Variants in CHRM3 observed in about 807,000 individuals in gnomAD.
CHRM3 encodes cholinergic receptor muscarinic 3.
CHRM3 carries 11 observed loss-of-function variants against 41.8 expected under a neutral mutation model. The ratio of observed to expected loss-of-function variants is 0.26; its 90% confidence interval spans 0.17 to 0.44. CHRM3 has a LOEUF of 0.44. CHRM3 is among the 20% of genes least tolerant of loss of function. The pLI is 1.00. For missense variants in CHRM3, 571 were observed against 745.4 expected (o/e 0.77, Z 2.72); for synonymous variants, 297 against 301.4 (o/e 0.99, Z 0.15).
chr1:239,406,329 A>G (rs912923286), intron 1 of CHRM3, among the ~76,000 whole-genome samples: 22 of 152,306 alleles, frequency 1.4e-4, no homozygotes, highest in African/African-American at 5.3e-4. Flanking sequence ...TGGCTCCAGG[A>G]AGTATGCAGT....
chr1:239,754,738 G>A (rs1572187118), intron 5 of CHRM3, among the ~76,000 whole-genome samples: 1 of 152,214 alleles, frequency 6.6e-6, no homozygotes, highest in East Asian at 1.9e-4. Flanking sequence ...GTGGGGACTA[G>A]TGCTGTGTTT....
intron 6 of CHRM3, among the ~76,000 whole-genome samples, chr1:239,882,743 A>T (rs1677748526): frequency 6.6e-6 from 1 of 152,238 alleles, no homozygotes; most frequent in African/African-American, 2.4e-5. Flanking sequence ...TTAGAATATC[A>T]TATGTGTGTG....
At chr1:239,543,425 C>A (rs73116737) in intron 2 of CHRM3, among the ~76,000 whole-genome samples, 166 of 152,252 alleles carry the variant, frequency 1.1e-3, no homozygotes, top group African/African-American at 3.9e-3. Flanking sequence ...CCAATCTGCC[C>A]TAAAGCACCC....
intron 6 of CHRM3, among the ~76,000 whole-genome samples, chr1:239,844,375 T>A (rs1674091403): frequency 6.6e-6 from 1 of 152,198 alleles, no homozygotes; most frequent in South Asian, 2.1e-4. Context: ...GCTTATTTGT[T>A]ACAGAAGATG....
At chr1:239,837,091 G>GA (rs999471439) in intron 6 of CHRM3, among the ~76,000 whole-genome samples, 15 of 152,162 alleles carry the variant, frequency 9.9e-5, no homozygotes, top group Non-Finnish European at 1.8e-4. Context: ...GTTGTAAGCA[G>GA]AAAAAAATGC....
intron 4 of CHRM3, among the ~76,000 whole-genome samples, chr1:239,641,053 A>C (rs1339968223): frequency 6.6e-6 from 1 of 152,150 alleles, no homozygotes; most frequent in Non-Finnish European, 1.5e-5. Context: ...CAGGTTGTTC[A>C]GTTTAATGTA....
intron 5 of CHRM3, among the ~76,000 whole-genome samples, chr1:239,734,658 A>G (rs957004172): frequency 1.3e-5 from 2 of 152,114 alleles, no homozygotes; most frequent in Non-Finnish European, 2.9e-5. Flanking sequence ...AATCAGATAC[A>G]TGTTATAAGT....
chr1:239,431,485 C>T (rs1423194809), intron 1 of CHRM3, among the ~76,000 whole-genome samples: 1 of 152,150 alleles, frequency 6.6e-6, no homozygotes, highest in African/African-American at 2.4e-5. Context: ...AATTTTTTCT[C>T]TAAAAGCTAT....
rs200663014 is a variant in CHRM3, at chr1:239,656,458, TA to T, written c.-249-21718del. Among the ~76,000 whole-genome samples, 27 of 137,680 alleles carry T rather than the reference TA, an allele frequency of 2.0e-4. 1 individual carries two copies. The highest frequency in any genetic ancestry group is 4.1e-4 in the East Asian group (2 of 4,930). 90.3% of individuals were successfully genotyped at this position (137,680 alleles called of 152,430 possible). A position where few individuals can be genotyped will look rare whatever the true frequency, so the allele number is the denominator to read the frequency against. On this transcript the variant is annotated intron_variant, in intron 4 of 6. Coordinates refer to ENST00000676153, the MANE Select transcript of CHRM3 (RefSeq NM_001375978.1). The stretch of plus-strand genomic sequence containing the variant: ...CAACATGGCAAGACATCATCTCTGC[TA>T]AAAAAAAAAGAAAAAAGAAAAAAGA...
chr1:239,543,554 C>A (rs1365269219), intron 2 of CHRM3, among the ~76,000 whole-genome samples: 1 of 151,690 alleles, frequency 6.6e-6, no homozygotes, highest in Non-Finnish European at 1.5e-5. Context: ...GTCACCCAGG[C>A]TGGAGTGCAG....
intron 5 of CHRM3, among the ~76,000 whole-genome samples, chr1:239,706,727 GAGGCATGCAC>G: frequency 6.9e-6 from 1 of 144,472 alleles, no homozygotes; most frequent in African/African-American, 2.6e-5. Flanking sequence ...CATACACATG[GAGGCATGCAC>G]AGGCATGCAC....
chr1:239,629,839 T>G (rs1480281412), intron 3 of CHRM3, among the ~76,000 whole-genome samples: 4 of 152,182 alleles, frequency 2.6e-5, no homozygotes, highest in Non-Finnish European at 4.4e-5. Context: ...TTTGTTTTCT[T>G]CTTTATTTGG....
chr1:239,463,360 T>G (rs1485570753), intron 1 of CHRM3, among the ~76,000 whole-genome samples: 1 of 152,154 alleles, frequency 6.6e-6, no homozygotes, highest in African/African-American at 2.4e-5. Flanking sequence ...TATTGCATCC[T>G]CATTCTCCTT....
At chr1:239,654,379 C>T (rs1672519645) in intron 4 of CHRM3, among the ~76,000 whole-genome samples, 1 of 152,148 alleles carries the variant, frequency 6.6e-6, no homozygotes. Context: ...CTTACTTTTC[C>T]TATGATGAAT....
intron 5 of CHRM3, among the ~76,000 whole-genome samples, chr1:239,765,120 C>T (rs1036865058): frequency 2.8e-4 from 42 of 152,198 alleles, no homozygotes; most frequent in African/African-American, 9.4e-4. Flanking sequence ...GTGATGGGAC[C>T]GGTCACAGGG....
chr1:239,779,916 C>T (rs1668386938), intron 5 of CHRM3, among the ~76,000 whole-genome samples: 1 of 152,048 alleles, frequency 6.6e-6, no homozygotes, highest in African/African-American at 2.4e-5. Context: ...GCCTTTTTTC[C>T]CTTAGTAACA....
intron 1 of CHRM3, among the ~76,000 whole-genome samples, chr1:239,483,751 CAAA>C (rs1387401735): frequency 9.2e-5 from 14 of 152,160 alleles, no homozygotes; most frequent in Admixed American, 2.6e-4. Context: ...AAAGTAGAGA[CAAA>C]TTATGACTCT....
At chr1:239,470,265 C>T (rs1258099134) in intron 1 of CHRM3, among the ~76,000 whole-genome samples, 1 of 152,060 alleles carries the variant, frequency 6.6e-6, no homozygotes, top group African/African-American at 2.4e-5. Context: ...CTGGCAGCCA[C>T]CAAAAGCTCA....
chr1:239,831,330 G>A (rs184421617), intron 6 of CHRM3, among the ~76,000 whole-genome samples: 169 of 152,120 alleles, frequency 1.1e-3, no homozygotes, highest in Middle Eastern at 3.4e-3. Context: ...CACTCCCCTC[G>A]GGCCTGGACA....
Sources: gnomAD v4.1 joint callset for allele counts (sites outside exome capture counted in the v4.1 genomes callset) on GRCh38, gnomAD v4.1.1 for gene constraint, MANE v1.5 for transcripts, NCBI Gene and HGNC (gene_info 2026-07-23, HGNC 2026-07-21) for gene names.